The following PPP1CC variants were observed in gnomAD, a reference collection of about 807,000 sequenced individuals.
The protein encoded by PPP1CC is protein phosphatase 1 catalytic subunit gamma.
A neutral mutation model predicts 38.4 loss-of-function variants in PPP1CC; 16 were observed. That is an observed-to-expected ratio of 0.42 (90% CI 0.28 to 0.63). The LOEUF is 0.63. Among genes scored for constraint, PPP1CC ranks in the 30% least tolerant of loss-of-function variants. The pLI is 0.25. For missense variants in PPP1CC, 170 were observed against 391.3 expected (o/e 0.43, Z 4.77); for synonymous variants, 158 against 136.0 (o/e 1.16, Z -1.13).
chr12:110,740,055 G>A (rs1448246538), intron 1 of PPP1CC, among the ~76,000 whole-genome samples: 4 of 152,126 alleles, frequency 2.6e-5, no homozygotes, highest in Non-Finnish European at 4.4e-5. Context: ...AACTGCAAAG[G>A]TTAGTGACTA....
chr12:110,728,404 A>G (rs1356011963), intron 3 of PPP1CC, among the ~76,000 whole-genome samples: 1 of 149,668 alleles, frequency 6.7e-6, no homozygotes, highest in African/African-American at 2.5e-5. Context: ...TCTCAAAAAA[A>G]AAAAAAAAAA....
At chr12:110,714,277 C>T in the PPP1CC span, among the ~76,000 whole-genome samples, 4 of 152,106 alleles carry the variant, frequency 2.6e-5, no homozygotes, top group African/African-American at 4.8e-5. Flanking sequence ...CTCCTCTCCT[C>T]AGTCCACCCT....
At chr12:110,731,659 C>G in intron 2 of PPP1CC, 111 bp downstream of exon 2, 4 of 1,229,200 alleles carry the variant, frequency 3.3e-6, no homozygotes, top group Non-Finnish European at 4.4e-6. Context: ...TAGTTCCAAG[C>G]TATTCGCAAA....
At chr12:110,709,654 G>A in the PPP1CC span, among the ~76,000 whole-genome samples, 6 of 151,348 alleles carry the variant, frequency 4.0e-5, no homozygotes, top group Non-Finnish European at 5.9e-5. Flanking sequence ...TGCCTCCCTC[G>A]TTCAAGTGAT....
At chr12:110,719,318 T>G (rs1252134343), downstream of PPP1CC, among the ~76,000 whole-genome samples, 1 of 152,146 alleles carries the variant, frequency 6.6e-6, no homozygotes, top group Non-Finnish European at 1.5e-5. Context: ...GGGGAGTCCA[T>G]GGCCCTGTGC....
At chr12:110,721,992 A>G in intron 6 of PPP1CC, 143 bp downstream of exon 6, 2 of 910,136 alleles carry the variant, frequency 2.2e-6, no homozygotes, top group Non-Finnish European at 3.2e-6. Flanking sequence ...ACATTATTCA[A>G]CTATAATACA....
At position 110,729,822 on chromosome 12, in the gene PPP1CC, C is replaced by T. The variant is rs190974293; in HGVS notation, c.418+707G>A. ...ATAACTCTATAAATTTACTACAAATCGCTGAATTGTACACTTTTAACAGAA... is the reference window on the plus strand; with the variant it reads ...ATAACTCTATAAATTTACTACAAATTGCTGAATTGTACACTTTTAACAGAA... On this transcript the variant is annotated intron_variant, in intron 3 of 6. Coordinates refer to ENST00000335007, the MANE Select transcript of PPP1CC (RefSeq NM_002710.4). Among the ~76,000 whole-genome samples, 246 of 152,222 alleles carry T rather than the reference C, an allele frequency of 1.6e-3. 1 individual carries two copies. Among genetic ancestry groups the T allele is most frequent in the Non-Finnish European group, 3.0e-3 (203 of 68,018 alleles).
Position 110,735,955 on chromosome 12 carries a change from C to A in PPP1CC, c.56-4054G>T, listed in dbSNP as rs2069939009. ...TGGCAGGCACCTGTAATCCCAGCTA[C>A]TCGGGAGGCTGAGGCAGGAGAATCG... On this transcript the variant is annotated intron_variant, in intron 1 of 6. Coordinates refer to ENST00000335007, the MANE Select transcript of PPP1CC (RefSeq NM_002710.4). Among the ~76,000 whole-genome samples the A allele has an allele frequency of 2.0e-5, 3 of 152,136 alleles. No individual in the cohort carries two copies. In the South Asian group the frequency reaches 6.2e-4, roughly 31 times the overall value.
the PPP1CC span, among the ~76,000 whole-genome samples, chr12:110,714,582 G>C: frequency 1.6e-4 from 24 of 151,840 alleles, no homozygotes; most frequent in East Asian, 4.5e-3. Context: ...TGAGGCAGGC[G>C]AATCACTTGA....
chr12:110,724,938 TA>T (rs771379468), intron 3 of PPP1CC, 174 bp from the exon 4 acceptor site: 8 of 401,916 alleles, frequency 2.0e-5, no homozygotes, highest in African/African-American at 4.1e-5. Context: ...TCTTTTAAAA[TA>T]AGAGCTGGGC....
At position 110,722,141 on chromosome 12, in the gene PPP1CC, A is replaced by C. The variant is rs200953258; in HGVS notation, c.876T>G (p.Ser292=). The C allele has an allele frequency of 1.6e-5, 26 of 1,613,974 alleles. No individual in the cohort carries two copies. Among genetic ancestry groups the C allele is most frequent in the Non-Finnish European group, 2.0e-5 (24 of 1,179,984 alleles). Residue 292 remains serine, a synonymous_variant, in exon 6 of 7, where the codon TCT becomes TCG. Coordinates refer to ENST00000335007, the MANE Select transcript of PPP1CC (RefSeq NM_002710.4). The surrounding 1 kb of genome is among the most constrained non-coding windows in gnomAD (Gnocchi z 5.4). ...TGTTGAAAGCATGCTCTACCTGAAA[A>C]GAACACATTAGTGTTTCATCCACAC... ...MMSVDETLMC[S]FQILKPAEKK...
At chr12:110,721,962 TTC>T (rs2069743839) in intron 6 of PPP1CC, 171 bp downstream of exon 6, 1 of 673,214 alleles carries the variant, frequency 1.5e-6, no homozygotes, top group Non-Finnish European at 2.2e-6. Context: ...AATTAATTTT[TTC>T]TTTTACAAGG....
At chr12:110,737,498 A>G (rs1343842088) in intron 1 of PPP1CC, among the ~76,000 whole-genome samples, 4 of 147,342 alleles carry the variant, frequency 2.7e-5, no homozygotes, top group Admixed American at 6.7e-5. Flanking sequence ...AAAAAAAAAA[A>G]AAAGAAAAGA....
intron 2 of PPP1CC, among the ~76,000 whole-genome samples, 188 bp from the exon 3 acceptor site, chr12:110,730,947 A>G (rs953699618): frequency 6.6e-6 from 1 of 152,252 alleles, no homozygotes; most frequent in African/African-American, 2.4e-5. Context: ...ACTGAGCTTA[A>G]CAAAAATTTT....
intron 3 of PPP1CC, among the ~76,000 whole-genome samples, chr12:110,729,051 T>C (rs2069841920): frequency 2.0e-5 from 3 of 152,186 alleles, no homozygotes; most frequent in Admixed American, 2.0e-4. Flanking sequence ...AAATGCCAAG[T>C]ACCTGAAGTT....
At chr12:110,731,742 A>G in intron 2 of PPP1CC, 28 bp downstream of exon 2, 1 of 1,590,586 alleles carries the variant, frequency 6.3e-7, no homozygotes, top group Non-Finnish European at 8.6e-7. Flanking sequence ...TCATGTAACA[A>G]AAGATAACCT....
Position 110,722,714 on chromosome 12 carries a change from A to G in PPP1CC, c.524-19T>C, listed in dbSNP as rs1473869927. 19 of 1,570,866 alleles carry G rather than the reference A, an allele frequency of 1.2e-5. No individual in the cohort carries two copies. The highest frequency in any genetic ancestry group is 1.6e-5 in the Non-Finnish European group (19 of 1,160,870). On this transcript the variant is annotated intron_variant, in intron 4 of 6. Coordinates refer to ENST00000335007, the MANE Select transcript of PPP1CC (RefSeq NM_002710.4). This position sits in a 1 kb window ranked among gnomAD's most constrained non-coding sequence, Gnocchi z 5.4. ...GATAAACCTATTCAATGAGGAAAAA[A>G]AAAAAATGAAGAAAGCAGAACTTTT... is the stretch of plus-strand genomic sequence containing the variant.
downstream of PPP1CC, among the ~76,000 whole-genome samples, chr12:110,718,003 G>A (rs949963852): frequency 2.6e-5 from 4 of 152,062 alleles, no homozygotes; most frequent in African/African-American, 7.2e-5. Flanking sequence ...CCTTTCAAAC[G>A]CTCATCATGG....
At chr12:110,742,027 G>A (rs2070022665) in intron 1 of PPP1CC, among the ~76,000 whole-genome samples, 1 of 152,124 alleles carries the variant, frequency 6.6e-6, no homozygotes, top group Admixed American at 6.5e-5. Flanking sequence ...AAAAGAGCGC[G>A]GAGACCTCTC....
Sources: allele counts gnomAD v4.1 joint callset (sites outside exome capture counted in the v4.1 genomes callset), GRCh38; gene constraint gnomAD v4.1.1; non-coding constraint Gnocchi (gnomAD v3.1); transcripts MANE v1.5; gene names NCBI Gene and HGNC (gene_info 2026-07-23, HGNC 2026-07-21).